VIT: variants seen among roughly 807,000 people sequenced by gnomAD.
VIT encodes vitrin.
A neutral mutation model predicts 78.0 loss-of-function variants in VIT; 99 were observed. The observed-to-expected ratio is 1.27, with a 90% CI of 1.08 to 1.50. The LOEUF is 1.50. VIT is among the 40% of genes most tolerant of loss of function. VIT has a pLI of 0.00. For synonymous variants in VIT, 374 were observed against 334.3 expected, an observed-to-expected ratio of 1.12 and a Z score of -1.29; for missense variants, 1,126 against 875.3, an observed-to-expected ratio of 1.29 and a Z score of -3.61.
intron 1 of VIT, among the ~76,000 whole-genome samples, chr2:36,699,496 C>T (rs1664886696): frequency 7.2e-6 from 1 of 139,832 alleles, no homozygotes; most frequent in African/African-American, 2.6e-5. Flanking sequence ...TTATATTCTT[C>T]ACAAGACAAT....
At chr2:36,807,017 G>T (rs970910340) in intron 14 of VIT, among the ~76,000 whole-genome samples, 1 of 151,986 alleles carries the variant, frequency 6.6e-6, no homozygotes, top group Non-Finnish European at 1.5e-5. Context: ...TTACATGAAT[G>T]ACCACACACC....
chr2:36,741,314 G>T (rs529664545), intron 3 of VIT, among the ~76,000 whole-genome samples: 121 of 152,118 alleles, frequency 8.0e-4, no homozygotes, highest in Non-Finnish European at 1.5e-3. Flanking sequence ...GAAAATAGCC[G>T]GCGAGGAGGC....
chr2:36,789,291 G>A (rs948452351), intron 12 of VIT, among the ~76,000 whole-genome samples: 2 of 152,164 alleles, frequency 1.3e-5, no homozygotes, highest in Non-Finnish European at 2.9e-5. Flanking sequence ...TAGCAAGAGG[G>A]TCAGACTAGA....
Position 36,754,957 on chromosome 2 carries a change from T to C in VIT, c.312T>C (p.Val104=). The C allele has an allele frequency of 6.2e-7, 1 of 1,614,172 alleles. No individual in the cohort carries two copies. The highest frequency in any genetic ancestry group is 8.5e-7 in the Non-Finnish European group (1 of 1,180,014). ...ATAATTCAGGAGGGAAAATACTTGT[T>C]CGGAAGGTTGCTGGACAGTCTGGTT... is the stretch of plus-strand genomic sequence containing the variant. ...VLDNSGGKIL[V]RKVAGQSGYK... Residue 104 remains valine, a synonymous_variant, in exon 5 of 16, where the codon GTT becomes GTC. Transcript: ENST00000379242.
chr2:36,722,355 G>A (rs868639583), intron 2 of VIT, among the ~76,000 whole-genome samples: 9 of 152,138 alleles, frequency 5.9e-5, no homozygotes, highest in South Asian at 2.1e-4. Context: ...GGTTAAAACC[G>A]GCTCTGGTTT....
At chr2:36,707,071 G>C (rs893933267) in intron 1 of VIT, among the ~76,000 whole-genome samples, 2 of 152,086 alleles carry the variant, frequency 1.3e-5, no homozygotes, top group Non-Finnish European at 2.9e-5. Flanking sequence ...GCAGACTCTG[G>C]TATAAACCCC....
intron 1 of VIT, among the ~76,000 whole-genome samples, chr2:36,715,017 C>A (rs183891338): frequency 1.3e-5 from 2 of 152,190 alleles, no homozygotes; most frequent in Non-Finnish European, 2.9e-5. Context: ...ACTGTTCCCC[C>A]ACTTGGAGCC....
chr2:36,715,182 C>T (rs1423054786), intron 1 of VIT, among the ~76,000 whole-genome samples: 1 of 152,144 alleles, frequency 6.6e-6, no homozygotes, highest in South Asian at 2.1e-4. Flanking sequence ...AGCACTACCC[C>T]CCACCTACTG....
chr2:36,753,588 T>C (rs779827169), intron 4 of VIT, among the ~76,000 whole-genome samples: 1 of 152,106 alleles, frequency 6.6e-6, no homozygotes, highest in Non-Finnish European at 1.5e-5. Context: ...AGCAAAGTCA[T>C]GTCAGAATCT....
intron 3 of VIT, among the ~76,000 whole-genome samples, chr2:36,732,636 T>C (rs2148492121): frequency 6.6e-6 from 1 of 152,304 alleles, no homozygotes; most frequent in South Asian, 2.1e-4. Flanking sequence ...TATTGTGTGC[T>C]GGCCAAGTAC....
intron 1 of VIT, among the ~76,000 whole-genome samples, chr2:36,715,534 T>TA (rs1226621566): frequency 2.0e-4 from 28 of 138,258 alleles, no homozygotes; most frequent in Non-Finnish European, 2.7e-4. Flanking sequence ...AGACTACGTC[T>TA]AAAAAAAAAA....
Position 36,805,306 on chromosome 2 carries a change from A to AG in VIT, c.1163-130dup, listed in dbSNP as rs1189934213. 82 of 803,782 alleles carry AG rather than the reference A, an allele frequency of 1.0e-4. No homozygotes were observed. In the East Asian group the frequency reaches 2.9e-3, roughly 29 times the overall value. The allele number at this position is 803,782 out of a possible 1,614,324, so 49.8% of individuals were successfully genotyped here. On this transcript the variant is annotated intron_variant, in intron 13 of 15. Coordinates refer to ENST00000379242, the MANE Select transcript of VIT (RefSeq NM_053276.4). ...GCAACAGAGCAAGACCCTGTCTCAA[A>AG]GGAAAAAAAAAAAAAAAAAAACTAG...
At chr2:36,771,774 A>C (rs1210006897) in intron 7 of VIT, among the ~76,000 whole-genome samples, 3 of 152,184 alleles carry the variant, frequency 2.0e-5, no homozygotes, top group African/African-American at 7.2e-5. Flanking sequence ...GAGATAATTT[A>C]CTTATTTATC....
chr2:36,778,803 G>C (rs1252265453), intron 9 of VIT, among the ~76,000 whole-genome samples: 1 of 152,196 alleles, frequency 6.6e-6, no homozygotes, highest in Non-Finnish European at 1.5e-5. Context: ...GGGACATGAA[G>C]CCAGGTGAAG....
At chr2:36,731,557 G>A (rs1462831847) in intron 3 of VIT, among the ~76,000 whole-genome samples, 1 of 152,160 alleles carries the variant, frequency 6.6e-6, no homozygotes, top group African/African-American at 2.4e-5. Context: ...ACAGGCGTGA[G>A]CCACCGCAAC....
chr2:36,809,759 G>C (rs1667015535), intron 15 of VIT, among the ~76,000 whole-genome samples: 1 of 152,184 alleles, frequency 6.6e-6, no homozygotes, highest in Non-Finnish European at 1.5e-5. Context: ...TTAAAGACAA[G>C]TACTTTTTCT....
At chr2:36,754,776 G>A (rs888282015) in intron 4 of VIT, 145 bp from the exon 5 acceptor site, 6 of 791,540 alleles carry the variant, frequency 7.6e-6, no homozygotes, top group Middle Eastern at 3.8e-4. Flanking sequence ...CATTCTTGTG[G>A]GTTGGGCTTC....
chr2:36,805,779 G>A, intron 14 of VIT, 115 bp downstream of exon 14: 4 of 1,136,836 alleles, frequency 3.5e-6, no homozygotes, highest in Non-Finnish European at 4.9e-6. Context: ...CTCATCTCTA[G>A]GCAGTAAGGC....
intron 5 of VIT, among the ~76,000 whole-genome samples, chr2:36,758,310 C>T (rs571650702): frequency 2.0e-5 from 3 of 152,302 alleles, no homozygotes; most frequent in East Asian, 1.9e-4. Context: ...ATTCCAGTGG[C>T]ATTCTCACTT....
Sources: gnomAD v4.1 joint callset for allele counts (sites outside exome capture counted in the v4.1 genomes callset) on GRCh38, gnomAD v4.1.1 for gene constraint, MANE v1.5 for transcripts, NCBI Gene and HGNC (gene_info 2026-07-23, HGNC 2026-07-21) for gene names.